Variants in ABHD12 observed in about 807,000 individuals in gnomAD.
The protein encoded by ABHD12 is abhydrolase domain containing 12, lysophospholipase.
ABHD12 carries 43 observed loss-of-function variants against 58.3 expected under a neutral mutation model. The ratio of observed to expected loss-of-function variants is 0.74; its 90% CI spans 0.58 to 0.95. The LOEUF (loss-of-function observed/expected upper bound fraction) is 0.95, where lower values mean the gene tolerates loss of function less well. ABHD12 is among the 40% of genes least tolerant of loss of function. ABHD12 has a pLI of 0.00. For synonymous variants in ABHD12, 219 were observed against 211.2 expected, an observed-to-expected ratio of 1.04 and a Z score of -0.32; for missense variants, 539 against 537.2, an observed-to-expected ratio of 1.00 and a Z score of -0.03.
At chr20:25,344,326 A>G (rs1257979443) in intron 1 of ABHD12, among the ~76,000 whole-genome samples, 1 of 152,220 alleles carries the variant, frequency 6.6e-6, no homozygotes, top group Non-Finnish European at 1.5e-5. Flanking sequence ...CTTGGAACTA[A>G]TTAGTGATTA....
intron 1 of ABHD12, among the ~76,000 whole-genome samples, chr20:25,374,354 C>T (rs1273008052): frequency 6.6e-6 from 1 of 152,100 alleles, no homozygotes; most frequent in Non-Finnish European, 1.5e-5. Context: ...TTAATCTGCC[C>T]TTCAATGTAA....
intron 10 of ABHD12, among the ~76,000 whole-genome samples, chr20:25,306,419 C>G (rs1165792132): frequency 6.6e-6 from 1 of 152,130 alleles, no homozygotes; most frequent in Non-Finnish European, 1.5e-5. Context: ...ACTCTGTCAC[C>G]CAGGCTGGAG....
At chr20:25,312,038 G>T (rs2088858495) in intron 6 of ABHD12, among the ~76,000 whole-genome samples, 1 of 152,052 alleles carries the variant, frequency 6.6e-6, no homozygotes, top group Admixed American at 6.5e-5. Flanking sequence ...CTCGCAGTCA[G>T]TTGCAATGGC....
intron 1 of ABHD12, among the ~76,000 whole-genome samples, chr20:25,375,367 C>A (rs2089949760): frequency 6.6e-6 from 1 of 152,242 alleles, no homozygotes; most frequent in Non-Finnish European, 1.5e-5. Context: ...TATAATCTTG[C>A]TCTAAGTAGC....
At chr20:25,346,517 T>A (rs982211154) in intron 1 of ABHD12, among the ~76,000 whole-genome samples, 3 of 152,202 alleles carry the variant, frequency 2.0e-5, no homozygotes, top group Non-Finnish European at 4.4e-5. Context: ...CTAGCAAATA[T>A]GCCATTGCAG....
chr20:25,299,357 G>A (rs970734412), downstream of ABHD12, among the ~76,000 whole-genome samples: 3 of 152,128 alleles, frequency 2.0e-5, no homozygotes, highest in Non-Finnish European at 4.4e-5. Flanking sequence ...CTATGATTGT[G>A]CCACTGCACT....
intron 2 of ABHD12, among the ~76,000 whole-genome samples, chr20:25,325,133 G>A (rs1332061353): frequency 6.7e-6 from 1 of 148,532 alleles, no homozygotes; most frequent in Non-Finnish European, 1.5e-5. Flanking sequence ...TTGAGCCCAG[G>A]AGGTCAAGGC....
chr20:25,321,285 C>T lies in ABHD12; in HGVS notation c.423-967G>A, dbSNP rs73907309. Among the ~76,000 whole-genome samples, 911 of 152,362 alleles carry T rather than the reference C, an allele frequency of 6.0e-3. 10 individuals carry two copies. Among genetic ancestry groups the T allele is most frequent in the African/African-American group, 0.021 (872 of 41,580 alleles). On this transcript the variant is annotated intron_variant, in intron 3 of 12. Transcript: ENST00000339157. ...CAAACCTGGGCTCCTGACAAAGAGC[C>T]AGGGAACTCCTAGCCAGCAGAGAAA...
intron 2 of ABHD12, among the ~76,000 whole-genome samples, chr20:25,336,540 C>T (rs2089371789): frequency 6.6e-6 from 1 of 152,126 alleles, no homozygotes; most frequent in African/African-American, 2.4e-5. Context: ...ATGCCCAGGT[C>T]AGGCTTCTTG....
chr20:25,379,385 T>C (rs894025680), intron 1 of ABHD12, among the ~76,000 whole-genome samples: 1 of 152,212 alleles, frequency 6.6e-6, no homozygotes, highest in Non-Finnish European at 1.5e-5. Context: ...GCAGATGGCC[T>C]TGCTGCTTAT....
chr20:25,320,930 T>C (rs2089055224), intron 3 of ABHD12, among the ~76,000 whole-genome samples: 1 of 152,208 alleles, frequency 6.6e-6, no homozygotes. Flanking sequence ...AGAGAGATAC[T>C]GAGGTTAATT....
At chr20:25,298,112 G>A (rs1218172823), downstream of ABHD12, 1 of 152,286 alleles carries the variant, frequency 6.6e-6, no homozygotes, top group Non-Finnish European at 1.5e-5. Flanking sequence ...GGTGGTGCCA[G>A]TGCAGGGATG....
At chr20:25,381,685 C>G (rs935033928) in intron 1 of ABHD12, among the ~76,000 whole-genome samples, 1 of 150,716 alleles carries the variant, frequency 6.6e-6, no homozygotes, top group African/African-American at 2.5e-5. Flanking sequence ...GTCACCCAAG[C>G]TGGAGTGCAG....
chr20:25,296,617 C>A (rs201712231), downstream of ABHD12: 3 of 1,452,478 alleles, frequency 2.1e-6, no homozygotes, highest in South Asian at 4.0e-5. Context: ...CACTGGTGGT[C>A]CCTGCTTTTC....
chr20:25,360,841 CG>C (rs1377000378), intron 1 of ABHD12, among the ~76,000 whole-genome samples: 3 of 152,218 alleles, frequency 2.0e-5, no homozygotes, highest in Non-Finnish European at 4.4e-5. Context: ...TGGAAAAACC[CG>C]TCTGGGCTTC....
chr20:25,348,911 T>C (rs1248643764), intron 1 of ABHD12, among the ~76,000 whole-genome samples: 1 of 151,200 alleles, frequency 6.6e-6, no homozygotes, highest in East Asian at 2.0e-4. Flanking sequence ...TGAAACCCCG[T>C]CTCTACTAAA....
chr20:25,380,035 C>T (rs973144855), intron 1 of ABHD12, among the ~76,000 whole-genome samples: 1 of 152,264 alleles, frequency 6.6e-6, no homozygotes, highest in Non-Finnish European at 1.5e-5. Context: ...TGTAACGATG[C>T]TTTTGAAAAT....
chr20:25,367,655 G>T (rs1457549473), intron 1 of ABHD12, among the ~76,000 whole-genome samples: 1 of 152,204 alleles, frequency 6.6e-6, no homozygotes. Flanking sequence ...TCACGTAAGT[G>T]GAATCATACA....
chr20:25,317,536 A>G (rs2088985169), intron 4 of ABHD12, among the ~76,000 whole-genome samples: 2 of 152,078 alleles, frequency 1.3e-5, no homozygotes, highest in African/African-American at 2.4e-5. Context: ...CTGGCCTCTC[A>G]TGGTCATCTT....
Sources: gnomAD v4.1 joint callset for allele counts (sites outside exome capture counted in the v4.1 genomes callset) on GRCh38, gnomAD v4.1.1 for gene constraint, MANE v1.5 for transcripts, NCBI Gene and HGNC (gene_info 2026-07-23, HGNC 2026-07-21) for gene names.